The following DRC8 variants were observed in gnomAD, a reference collection of about 807,000 sequenced individuals.
The protein encoded by DRC8 is dynein regulatory complex subunit 8.
chr1:245,019,378 C>T, the DRC8 span, among the ~76,000 whole-genome samples: 1 of 152,014 alleles, frequency 6.6e-6, no homozygotes, highest in African/African-American at 2.4e-5. Context: ...GTATCATTAC[C>T]ATCCACTCTT....
the DRC8 span, among the ~76,000 whole-genome samples, chr1:245,038,941 C>A: frequency 1.3e-5 from 2 of 151,144 alleles, no homozygotes; most frequent in Non-Finnish European, 1.5e-5. Flanking sequence ...AAAAATCTTA[C>A]ATTGTAAATG....
the DRC8 span, among the ~76,000 whole-genome samples, chr1:245,067,798 TC>T: frequency 6.6e-6 from 1 of 152,202 alleles, no homozygotes; most frequent in Admixed American, 6.5e-5. Context: ...ATCAAGTTTC[TC>T]AGAGAATGAG....
chr1:245,081,458 G>A, the DRC8 span, among the ~76,000 whole-genome samples: 30 of 151,434 alleles, frequency 2.0e-4, no homozygotes, highest in Non-Finnish European at 3.4e-4. Context: ...ATCGCACCCG[G>A]CAATTTTTTT....
At chr1:245,072,260 C>T in the DRC8 span, among the ~76,000 whole-genome samples, 1 of 152,160 alleles carries the variant, frequency 6.6e-6, no homozygotes, top group Admixed American at 6.5e-5. Context: ...GTTATCAAGC[C>T]ATGAAAATTC....
chr1:245,000,402 A>C, the DRC8 span, among the ~76,000 whole-genome samples: 1 of 152,152 alleles, frequency 6.6e-6, no homozygotes, highest in Non-Finnish European at 1.5e-5. Context: ...TGAGTGTGCT[A>C]ACTGAAACTG....
At chr1:245,038,469 CAA>C in the DRC8 span, among the ~76,000 whole-genome samples, 1 of 146,664 alleles carries the variant, frequency 6.8e-6, no homozygotes, top group African/African-American at 2.5e-5. Flanking sequence ...GACTCCGTCT[CAA>C]AAAAAAAAGT....
the DRC8 span, among the ~76,000 whole-genome samples, chr1:245,036,083 C>T: frequency 6.6e-6 from 1 of 151,998 alleles, no homozygotes; most frequent in Non-Finnish European, 1.5e-5. Context: ...AGGACACTGT[C>T]AGGAAGATAA....
chr1:244,970,462 G>C, the DRC8 span: 1,002 of 1,525,284 alleles, frequency 6.6e-4, 12 homozygotes, highest in East Asian at 0.022. Context: ...GGGGAGCCGG[G>C]GAGCCGCTGC....
the DRC8 span, among the ~76,000 whole-genome samples, chr1:245,009,196 C>T: frequency 5.3e-5 from 8 of 151,728 alleles, no homozygotes; most frequent in East Asian, 7.8e-4. Flanking sequence ...CCACCACGCC[C>T]GGCTAATTTG....
chr1:245,082,686 C>CTTTTA, the DRC8 span, among the ~76,000 whole-genome samples: 5,165 of 149,978 alleles, frequency 0.034, 149 homozygotes, highest in African/African-American at 0.073. Context: ...ATGTTAGCAG[C>CTTTTA]TTTTATTTTA....
the DRC8 span, among the ~76,000 whole-genome samples, chr1:245,109,244 A>G: frequency 2.0e-5 from 3 of 152,188 alleles, no homozygotes; most frequent in Non-Finnish European, 4.4e-5. Context: ...CCCCTCCTGC[A>G]TGTACTTGGA....
the DRC8 span, among the ~76,000 whole-genome samples, chr1:245,073,551 A>C: frequency 1.3e-5 from 2 of 152,118 alleles, no homozygotes; most frequent in Non-Finnish European, 2.9e-5. Context: ...AACTGTCTGG[A>C]CATTCCACTT....
chr1:244,973,890 AT>A, the DRC8 span, among the ~76,000 whole-genome samples: 4 of 152,120 alleles, frequency 2.6e-5, no homozygotes, highest in African/African-American at 9.6e-5. Context: ...TGCTCATAAA[AT>A]TTTTTTCTAA....
chr1:245,123,205 T>C, the DRC8 span: 6 of 152,202 alleles, frequency 3.9e-5, no homozygotes, highest in Non-Finnish European at 7.3e-5. This position sits in a 1 kb window ranked among gnomAD's most constrained non-coding sequence, Gnocchi z 5.0. Context: ...TAGGTTTTGC[T>C]TCATTTTGGC....
At chr1:244,982,386 C>T in the DRC8 span, among the ~76,000 whole-genome samples, 8 of 152,202 alleles carry the variant, frequency 5.3e-5, no homozygotes, top group African/African-American at 9.6e-5. Flanking sequence ...AGGTTCAGGC[C>T]GGGCTTGGTG....
At chr1:245,084,068 C>CGCA in the DRC8 span, among the ~76,000 whole-genome samples, 19 of 114,412 alleles carry the variant, frequency 1.7e-4, 1 homozygote, top group African/African-American at 5.4e-4. Flanking sequence ...TTCCGCCCCC[C>CGCA]CCCCGGCGCC....
At chr1:245,067,055 A>G in the DRC8 span, among the ~76,000 whole-genome samples, 2 of 152,218 alleles carry the variant, frequency 1.3e-5, no homozygotes, top group Non-Finnish European at 2.9e-5. Flanking sequence ...TAACTTTCTC[A>G]TCATTTCCAC....
the DRC8 span, among the ~76,000 whole-genome samples, chr1:245,056,455 G>C: frequency 6.6e-6 from 1 of 152,110 alleles, no homozygotes; most frequent in African/African-American, 2.4e-5. Context: ...GGAACATGGA[G>C]GCTTCTGTTG....
chr1:245,029,805 A>G, the DRC8 span, among the ~76,000 whole-genome samples: 1 of 151,996 alleles, frequency 6.6e-6, no homozygotes, highest in Non-Finnish European at 1.5e-5. Context: ...CATGTTGGCC[A>G]GGCTGGTCTC....
Sources: gnomAD v4.1 joint callset for allele counts (sites outside exome capture counted in the v4.1 genomes callset) on GRCh38, gnomAD v4.1.1 for gene constraint, Gnocchi (gnomAD v3.1) non-coding constraint, MANE v1.5 for transcripts, NCBI Gene and HGNC (gene_info 2026-07-23, HGNC 2026-07-21) for gene names.